SLC5A1: variants seen among roughly 807,000 people sequenced by gnomAD.
SLC5A1 encodes solute carrier family 5 member 1, also known as sodium/glucose cotransporter 1.
A neutral mutation model predicts 73.5 loss-of-function variants in SLC5A1; 42 were observed. The observed-to-expected ratio is 0.57, with a 90% CI of 0.45 to 0.74. SLC5A1 has a LOEUF of 0.74. Among genes scored for constraint, SLC5A1 ranks in the 30% least tolerant of loss-of-function variants. SLC5A1 has a pLI of 0.00. For missense variants in SLC5A1, 634 were observed against 855.4 expected (o/e 0.74, Z 3.23); for synonymous variants, 300 against 317.4 (o/e 0.95, Z 0.58).
intron 14 of SLC5A1, among the ~76,000 whole-genome samples, chr22:32,105,952 G>A (rs2094044909): frequency 1.3e-5 from 2 of 152,164 alleles, no homozygotes; most frequent in African/African-American, 2.4e-5. Context: ...ACTCCATTGT[G>A]TATATGTACC....
intron 11 of SLC5A1, 95 bp from the exon 12 acceptor site, chr22:32,099,084 CAAAA>C (rs869158260): frequency 1.6e-3 from 151 of 92,018 alleles, no homozygotes; most frequent in South Asian, 3.5e-3. Context: ...GACTCTGTCT[CAAAA>C]AAAAAAAAAA....
At chr22:32,059,777 G>T (rs556581775) in intron 2 of SLC5A1, among the ~76,000 whole-genome samples, 1 of 152,142 alleles carries the variant, frequency 6.6e-6, no homozygotes, top group Non-Finnish European at 1.5e-5. Context: ...ATTGTTTGCG[G>T]AATGATTTCC....
At chr22:32,082,010 T>C (rs779867311) in intron 6 of SLC5A1, 39 bp downstream of exon 6, 1 of 1,296,164 alleles carries the variant, frequency 7.7e-7, no homozygotes, top group South Asian at 1.2e-5. Context: ...CAAACCCAGC[T>C]CGGGATCAGG....
At chr22:32,073,058 A>G (rs2093985206) in intron 5 of SLC5A1, among the ~76,000 whole-genome samples, 2 of 152,042 alleles carry the variant, frequency 1.3e-5, no homozygotes, top group Non-Finnish European at 1.5e-5. Context: ...CAATTTGTCT[A>G]TTTTATCTCT....
At chr22:32,076,237 G>A (rs572803261) in intron 5 of SLC5A1, among the ~76,000 whole-genome samples, 129 of 152,344 alleles carry the variant, frequency 8.5e-4, no homozygotes, top group African/African-American at 1.8e-3. Context: ...GATGTGGAGC[G>A]TTGGCTATGG....
At chr22:32,050,721 T>C (rs1174088347) in intron 2 of SLC5A1, among the ~76,000 whole-genome samples, 1 of 152,126 alleles carries the variant, frequency 6.6e-6, no homozygotes, top group East Asian at 1.9e-4. Context: ...GGCTTGAGGA[T>C]AGAAGCAAGG....
chr22:32,086,482 A>C (rs2094008584), intron 10 of SLC5A1, among the ~76,000 whole-genome samples, 155 bp downstream of exon 10: 1 of 151,998 alleles, frequency 6.6e-6, no homozygotes, highest in Non-Finnish European at 1.5e-5. Flanking sequence ...CAGTTTTTGG[A>C]CATGTCCTCT....
At chr22:32,060,475 G>T (rs1262730040) in intron 2 of SLC5A1, among the ~76,000 whole-genome samples, 1 of 152,152 alleles carries the variant, frequency 6.6e-6, no homozygotes, top group Non-Finnish European at 1.5e-5. Context: ...GATTACAGGT[G>T]TGAGCCACTG....
chr22:32,084,389 T>A (rs149796039), intron 7 of SLC5A1, 50 bp from the exon 8 acceptor site: 15 of 1,515,178 alleles, frequency 9.9e-6, no homozygotes, highest in East Asian at 4.5e-5. Context: ...GAAGCTGCTA[T>A]GACGAGTTGA....
chr22:32,067,355 T>TTATTATTA (rs199755449), intron 3 of SLC5A1, among the ~76,000 whole-genome samples: 2 of 150,052 alleles, frequency 1.3e-5, no homozygotes, highest in East Asian at 1.9e-4. Context: ...ATTATTATTA[T>TTATTATTA]TTTTTTTAAA....
At chr22:32,104,002 C>A (rs2094040792) in intron 13 of SLC5A1, among the ~76,000 whole-genome samples, 1 of 152,154 alleles carries the variant, frequency 6.6e-6, no homozygotes, top group Non-Finnish European at 1.5e-5. Flanking sequence ...CATATTTATT[C>A]CTAGAAAACA....
rs1010603292 is a variant in SLC5A1, at chr22:32,110,417, TCTGTAC to T, written c.*207_*212del. On this transcript the variant is annotated 3_prime_UTR_variant, in exon 15 of 15. Transcript: ENST00000266088. ...ATTTGAAGCCAGTGTGATACAGCCA[TCTGTAC>T]CTACTGGAGCTGCAGAAGGGAAGTC... is the stretch of plus-strand genomic sequence containing the variant. The T allele has an allele frequency of 6.1e-5, 38 of 621,736 alleles. No individual in the cohort carries two copies. The highest frequency in any genetic ancestry group is 2.1e-4 in the Admixed American group (9 of 43,600). The allele number at this position is 621,736 out of a possible 1,614,324, so 38.5% of individuals were successfully genotyped here.
intron 11 of SLC5A1, among the ~76,000 whole-genome samples, chr22:32,094,627 T>C (rs1264140550): frequency 1.3e-5 from 2 of 152,228 alleles, no homozygotes; most frequent in Non-Finnish European, 2.9e-5. Flanking sequence ...TTTATGCACA[T>C]AAAGGTGTTC....
rs115475222 is a variant in SLC5A1, at chr22:32,102,773, G to A, written c.1665+536G>A. On this transcript the variant is annotated intron_variant, in intron 13 of 14. Coordinates refer to ENST00000266088, the MANE Select transcript of SLC5A1 (RefSeq NM_000343.4). ...CCATCAATCTACTCTCTATCTCCAT[G>A]AGTTTGGTTTTTAAAACTTTTAGCT... Among the ~76,000 whole-genome samples, 1,169 of 152,170 alleles carry A rather than the reference G, an allele frequency of 7.7e-3. 15 individuals carry two copies. The highest frequency in any genetic ancestry group is 0.027 in the African/African-American group (1,101 of 41,480).
chr22:32,070,930 G>C (rs1307317989), intron 5 of SLC5A1, among the ~76,000 whole-genome samples: 1 of 152,174 alleles, frequency 6.6e-6, no homozygotes, highest in African/African-American at 2.4e-5. Context: ...ATAAGAGAAA[G>C]AAAATAGGAC....
At chr22:32,097,064 G>A (rs563596686) in intron 11 of SLC5A1, among the ~76,000 whole-genome samples, 35 of 152,212 alleles carry the variant, frequency 2.3e-4, no homozygotes, top group Non-Finnish European at 4.0e-4. Flanking sequence ...AATGCAAAAT[G>A]CTACAGAAAA....
intron 13 of SLC5A1, 60 bp downstream of exon 13, chr22:32,102,297 T>A: frequency 7.6e-7 from 1 of 1,322,720 alleles, no homozygotes; most frequent in Admixed American, 1.7e-5. Flanking sequence ...TGTTCTTTAA[T>A]TTTTTTTAAA....
At chr22:32,109,578 G>A (rs748453354) in intron 14 of SLC5A1, among the ~76,000 whole-genome samples, 1 of 152,214 alleles carries the variant, frequency 6.6e-6, no homozygotes, top group African/African-American at 2.4e-5. Flanking sequence ...CAGCCAGACT[G>A]CTTTCTGGTG....
intron 5 of SLC5A1, among the ~76,000 whole-genome samples, chr22:32,080,474 C>T (rs2093997846): frequency 6.6e-6 from 1 of 152,062 alleles, no homozygotes. Flanking sequence ...CACTGGAGGG[C>T]CCTCAGGAGC....
Sources: allele counts gnomAD v4.1 joint callset (sites outside exome capture counted in the v4.1 genomes callset), GRCh38; gene constraint gnomAD v4.1.1; transcripts MANE v1.5; gene names NCBI Gene and HGNC (gene_info 2026-07-23, HGNC 2026-07-21).